Variants in JPH1 observed in about 807,000 individuals in gnomAD.
JPH1 encodes junctophilin-1.
In JPH1, 12 loss-of-function variants were observed where a neutral mutation model predicts 53.6. That is an observed-to-expected ratio of 0.22 (90% CI 0.14 to 0.36). The LOEUF (loss-of-function observed/expected upper bound fraction) is 0.36, where lower values mean the gene tolerates loss of function less well. JPH1 is among the 10% of genes least tolerant of loss of function. The pLI, the probability that JPH1 is intolerant of heterozygous loss-of-function variation, is 1.00. For missense variants in JPH1, 808 were observed against 905.5 expected, an observed-to-expected ratio of 0.89 and a Z score of 1.38; for synonymous variants, 375 against 363.8, an observed-to-expected ratio of 1.03 and a Z score of -0.35.
chr8:74,257,894 C>T (rs1232709879), intron 3 of JPH1, among the ~76,000 whole-genome samples: 1 of 152,114 alleles, frequency 6.6e-6, no homozygotes, highest in Admixed American at 6.5e-5. Context: ...CCTTGGGTCC[C>T]TCCCCAGCCT....
At chr8:74,313,593 T>C (rs1267907809) in intron 2 of JPH1, among the ~76,000 whole-genome samples, 1 of 151,524 alleles carries the variant, frequency 6.6e-6, no homozygotes, top group African/African-American at 2.4e-5. Context: ...AGTTGAACCA[T>C]ATGATGTCAC....
chr8:74,243,446 T>C (rs999055633), intron 4 of JPH1, among the ~76,000 whole-genome samples: 1 of 152,212 alleles, frequency 6.6e-6, no homozygotes, highest in South Asian at 2.1e-4. Flanking sequence ...CAGTGTTTTA[T>C]AGATATTAGC....
intron 4 of JPH1, among the ~76,000 whole-genome samples, chr8:74,238,310 T>C (rs7839862): frequency 2.6e-5 from 4 of 151,940 alleles, no homozygotes; most frequent in African/African-American, 9.7e-5. Context: ...AAGTGAATAA[T>C]GGAGATTGGA....
At chr8:74,294,756 T>C (rs1346318692) in intron 2 of JPH1, among the ~76,000 whole-genome samples, 2 of 152,230 alleles carry the variant, frequency 1.3e-5, no homozygotes, top group Non-Finnish European at 2.9e-5. Flanking sequence ...ATTTGGAAAA[T>C]GCTGGTTCAA....
At chr8:74,258,271 A>C (rs1028761715) in intron 3 of JPH1, among the ~76,000 whole-genome samples, 1 of 152,180 alleles carries the variant, frequency 6.6e-6, no homozygotes, top group Non-Finnish European at 1.5e-5. Flanking sequence ...AATTGAAAAC[A>C]TTTATTTTGG....
intron 2 of JPH1, among the ~76,000 whole-genome samples, chr8:74,299,062 T>A (rs1807600334): frequency 6.6e-6 from 1 of 151,894 alleles, no homozygotes; most frequent in African/African-American, 2.4e-5. Context: ...TTTGAGGGGG[T>A]TTTTTTCTCC....
Position 74,236,940 on chromosome 8 carries a change from C to T in JPH1, c.*111G>A. On this transcript the variant is annotated 3_prime_UTR_variant, in exon 6 of 6. Coordinates refer to ENST00000342232, the MANE Select transcript of JPH1 (RefSeq NM_020647.4). Reference sequence around the variant, plus strand: ...CCATCCTAATTCCAAGCCTCCTTCCCTGTGTCTGAGTCTGCCTGGGGTGGG... The same window carrying T: ...CCATCCTAATTCCAAGCCTCCTTCCTTGTGTCTGAGTCTGCCTGGGGTGGG... 1 of 285,052 alleles carries T rather than the reference C, an allele frequency of 3.5e-6. No homozygotes were observed. The highest frequency in any genetic ancestry group is 6.5e-6 in the Non-Finnish European group (1 of 153,976). The allele number at this position is 285,052 out of a possible 1,614,324, so 17.7% of individuals were successfully genotyped here.
intron 2 of JPH1, among the ~76,000 whole-genome samples, chr8:74,311,881 T>C (rs1015016927): frequency 1.3e-5 from 2 of 152,086 alleles, no homozygotes; most frequent in Admixed American, 6.5e-5. Context: ...TAGTATTCCA[T>C]GGTGTATATG....
chr8:74,268,317 G>C (rs1329924319), intron 2 of JPH1, among the ~76,000 whole-genome samples: 1 of 152,140 alleles, frequency 6.6e-6, no homozygotes, highest in Non-Finnish European at 1.5e-5. Flanking sequence ...GAATCTATAT[G>C]ATTCTGCATT....
intron 2 of JPH1, among the ~76,000 whole-genome samples, chr8:74,292,516 T>C (rs1807363954): frequency 6.6e-6 from 1 of 152,200 alleles, no homozygotes; most frequent in Admixed American, 6.5e-5. Context: ...TTTTGCAGAT[T>C]ACAAGTTACC....
chr8:74,265,772 A>G (rs944145783), intron 2 of JPH1, among the ~76,000 whole-genome samples: 1 of 152,188 alleles, frequency 6.6e-6, no homozygotes, highest in Non-Finnish European at 1.5e-5. Context: ...ACACTTCAAC[A>G]ACAACAAAAC....
intron 2 of JPH1, among the ~76,000 whole-genome samples, chr8:74,287,314 G>C (rs1807195091): frequency 6.6e-6 from 1 of 151,894 alleles, no homozygotes; most frequent in African/African-American, 2.4e-5. Flanking sequence ...TGTAAACACA[G>C]CTACTTGGGA....
intron 2 of JPH1, among the ~76,000 whole-genome samples, chr8:74,305,984 G>C (rs932425522): frequency 6.6e-6 from 1 of 152,120 alleles, no homozygotes; most frequent in Non-Finnish European, 1.5e-5. Flanking sequence ...GGACTTGGGA[G>C]GGCTGGAGAA....
chr8:74,246,139 C>A (rs1279836664), intron 3 of JPH1, among the ~76,000 whole-genome samples: 2 of 152,160 alleles, frequency 1.3e-5, no homozygotes, highest in Non-Finnish European at 2.9e-5. Flanking sequence ...CCATCTGCCA[C>A]TTTTCGCCTC....
intron 4 of JPH1, among the ~76,000 whole-genome samples, chr8:74,241,853 T>C (rs1805700076): frequency 6.6e-6 from 1 of 152,158 alleles, no homozygotes; most frequent in Non-Finnish European, 1.5e-5. Flanking sequence ...GAAAAAAGTG[T>C]AGTCATTTTT....
At chr8:74,318,180 A>G (rs1808215698) in intron 1 of JPH1, among the ~76,000 whole-genome samples, 2 of 152,188 alleles carry the variant, frequency 1.3e-5, no homozygotes, top group South Asian at 4.1e-4. Flanking sequence ...ATAAAGTTCT[A>G]ATTAGTTCCT....
chr8:74,317,421 T>C (rs999972603), intron 1 of JPH1, among the ~76,000 whole-genome samples: 3 of 152,166 alleles, frequency 2.0e-5, no homozygotes, highest in South Asian at 2.1e-4. Flanking sequence ...GAGGATAAGA[T>C]AGTCATGTAA....
intron 2 of JPH1, among the ~76,000 whole-genome samples, chr8:74,288,786 C>T (rs1024578257): frequency 2.6e-5 from 4 of 152,200 alleles, no homozygotes; most frequent in Non-Finnish European, 5.9e-5. Flanking sequence ...ATAGCAATTA[C>T]TTTTGCACCA....
chr8:74,240,009 T>TC (rs1805647093), intron 4 of JPH1, among the ~76,000 whole-genome samples: 2 of 152,194 alleles, frequency 1.3e-5, no homozygotes, highest in South Asian at 4.1e-4. Context: ...TCTTGCTCTG[T>TC]CACCCAGGCT....
Sources: allele counts gnomAD v4.1 joint callset (sites outside exome capture counted in the v4.1 genomes callset), GRCh38; gene constraint gnomAD v4.1.1; transcripts MANE v1.5; gene names NCBI Gene and HGNC (gene_info 2026-07-23, HGNC 2026-07-21).